Variants in ZNF562 observed in about 807,000 individuals in gnomAD.
ZNF562 encodes zinc finger protein 562.
A neutral mutation model predicts 17.5 loss-of-function variants in ZNF562; 13 were observed. The observed-to-expected ratio is 0.74, with a 90% CI of 0.48 to 1.18. The LOEUF is 1.18. ZNF562 is among the 50% of genes most tolerant of loss of function. The pLI, the probability that ZNF562 is intolerant of heterozygous loss-of-function variation, is 0.00. For missense variants in ZNF562, 481 were observed against 498.5 expected, an observed-to-expected ratio of 0.96 and a Z score of 0.33; for synonymous variants, 163 against 165.4, an observed-to-expected ratio of 0.99 and a Z score of 0.11.
Position 9,653,486 on chromosome 19 carries a change from C to CT in ZNF562, c.743dup (p.Gln249AlafsTer15). ...TTCCAGTATGAACTGCTACACACTG[C>CT]TTTAAGTGTGAGGAAGTTGTGATGG... is the stretch of plus-strand genomic sequence containing the variant. On this transcript the variant is annotated frameshift_variant, in exon 6 of 6. Transcript: ENST00000453372. LOFTEE classifies it low-confidence loss of function (END_TRUNC). 6.2e-7 allele frequency: 1 copy of CT among 1,614,156 alleles called. No individual in the cohort carries two copies. The highest frequency in any genetic ancestry group is 8.5e-7 in the Non-Finnish European group (1 of 1,180,020).
rs74178208 is a variant in ZNF562, at chr19:9,650,954, C to CAAAAAAAAAAAAAA, written c.*1981_*1994dup. On this transcript the variant is annotated 3_prime_UTR_variant, in exon 6 of 6. Coordinates refer to ENST00000453372, the MANE Select transcript of ZNF562 (RefSeq NM_001130031.2). Reference sequence around the variant, plus strand: ...GGGCAACAAGAGCAAAACTCCATCTCAAAAAAAAAAAAAAAAAAAAAAAAA... The same window carrying CAAAAAAAAAAAAAA: ...GGGCAACAAGAGCAAAACTCCATCTCAAAAAAAAAAAAAAAAAAAAAAAAAAAAAAAAAAAAAAA... The CAAAAAAAAAAAAAA allele has an allele frequency of 7.6e-4, 35 of 46,310 alleles. 2 individuals are homozygous for CAAAAAAAAAAAAAA. The highest frequency in any genetic ancestry group is 1.4e-3 in the African/African-American group (23 of 16,044). The allele number at this position is 46,310 out of a possible 1,614,324, so 2.9% of individuals were successfully genotyped here. A position where few individuals can be genotyped will look rare whatever the true frequency, so the allele number is the denominator to read the frequency against.
chr19:9,673,799 A>C (rs1212517051), intron 1 of ZNF562, among the ~76,000 whole-genome samples: 2 of 152,104 alleles, frequency 1.3e-5, no homozygotes, highest in Non-Finnish European at 2.9e-5. Flanking sequence ...TGAGGTCAGG[A>C]GTTCGAGACC....
rs974451861 is a variant in ZNF562, at chr19:9,649,674, A to G, written c.*3275T>C. The G allele has an allele frequency of 1.3e-5, 2 of 152,136 alleles. No individual in the cohort carries two copies. The highest frequency in any genetic ancestry group is 2.9e-5 in the Non-Finnish European group (2 of 68,032). The allele number at this position is 152,136 out of a possible 1,614,324, so 9.4% of individuals were successfully genotyped here. On this transcript the variant is annotated 3_prime_UTR_variant, in exon 6 of 6. Transcript: ENST00000453372. ...TAATAAATTTTAGTCAGACCAGTTG[A>G]TCTCAAAACCGTCTCCTGATAAGAT...
Position 9,648,052 on chromosome 19 carries a change from C to A in ZNF562, c.*4897G>T, listed in dbSNP as rs1311713954. The A allele has an allele frequency of 6.6e-6, 1 of 152,044 alleles. No individual in the cohort carries two copies. Among genetic ancestry groups the A allele is most frequent in the African/African-American group, 2.4e-5 (1 of 41,396 alleles). The allele number at this position is 152,044 out of a possible 1,614,324, so 9.4% of individuals were successfully genotyped here. ...GAGCCACTATTCCCAACCTAGATGA[C>A]TCTTATAGATTAAGAATTTAGAAAT... On this transcript the variant is annotated 3_prime_UTR_variant, in exon 6 of 6. Coordinates refer to ENST00000453372, the MANE Select transcript of ZNF562 (RefSeq NM_001130031.2).
intron 2 of ZNF562, among the ~76,000 whole-genome samples, chr19:9,660,294 TA>T (rs2144998275): frequency 6.6e-6 from 1 of 151,608 alleles, no homozygotes; most frequent in South Asian, 2.1e-4. Context: ...ATGAATAAAA[TA>T]AAAGAGCATT....
chr19:9,656,895 C>T (rs2043511196), intron 4 of ZNF562, among the ~76,000 whole-genome samples: 1 of 131,632 alleles, frequency 7.6e-6, no homozygotes, highest in East Asian at 2.0e-4. Context: ...TATATATTAG[C>T]CGGGCGCGTT....
At position 9,645,876 on chromosome 19, in the gene ZNF562, A is replaced by T. The variant is rs562570302; in HGVS notation, c.*7073T>A. 2 of 152,232 alleles carry T rather than the reference A, an allele frequency of 1.3e-5. No individual in the cohort carries two copies. The highest frequency in any genetic ancestry group is 2.9e-5 in the Non-Finnish European group (2 of 68,044). 9.4% of individuals were successfully genotyped at this position (152,232 alleles called of 1,614,324 possible). ...ATTTATGGTAACAACGAAAAGTAAC[A>T]TACAAATTTCAAACATCAAGAATAA... On this transcript the variant is annotated 3_prime_UTR_variant, in exon 6 of 6. Coordinates refer to ENST00000453372, the MANE Select transcript of ZNF562 (RefSeq NM_001130031.2).
chr19:9,656,365 T>C (rs566953035), intron 5 of ZNF562, among the ~76,000 whole-genome samples, 182 bp downstream of exon 5: 1 of 151,970 alleles, frequency 6.6e-6, no homozygotes, highest in African/African-American at 2.4e-5. Context: ...ATAAATTAGC[T>C]GGGCATGGTG....
At chr19:9,669,682 G>A (rs2044073843) in intron 1 of ZNF562, among the ~76,000 whole-genome samples, 1 of 148,544 alleles carries the variant, frequency 6.7e-6, no homozygotes, top group African/African-American at 2.5e-5. Context: ...AAACCTGTCT[G>A]AAACTGGCAA....
chr19:9,644,009 G>A lies in ZNF562; in HGVS notation c.*8940C>T, dbSNP rs1231172188. 2 of 151,832 alleles carry A rather than the reference G, an allele frequency of 1.3e-5. No individual in the cohort carries two copies. Among genetic ancestry groups the A allele is most frequent in the Non-Finnish European group, 2.9e-5 (2 of 67,994 alleles). 9.4% of individuals were successfully genotyped at this position (151,832 alleles called of 1,614,324 possible). ...TACAAGGTTTCACCGTTTTAGCCAG[G>A]ATCATCTCAATCTGACCTTGTGATC... On this transcript the variant is annotated 3_prime_UTR_variant, in exon 6 of 6. Transcript: ENST00000453372.
At chr19:9,670,376 A>G (rs2044145104) in intron 1 of ZNF562, among the ~76,000 whole-genome samples, 1 of 152,248 alleles carries the variant, frequency 6.6e-6, no homozygotes, top group East Asian at 1.9e-4. Context: ...ATATATATAC[A>G]TTCCCTTGTT....
In ZNF562 at chr19:9,651,931, G is replaced by T. The variant is rs371584461; in HGVS notation, c.*1018C>A. On this transcript the variant is annotated 3_prime_UTR_variant, in exon 6 of 6. Coordinates refer to ENST00000453372, the MANE Select transcript of ZNF562 (RefSeq NM_001130031.2). ...GGGTCTCCACGACCCAGCTGGTCTCGGCAAAAATGCAAAAGGAGACCTGAA... is the reference window on the plus strand; with the variant it reads ...GGGTCTCCACGACCCAGCTGGTCTCTGCAAAAATGCAAAAGGAGACCTGAA... The T allele has an allele frequency of 6.6e-6, 1 of 152,182 alleles. No homozygotes were observed. The highest frequency in any genetic ancestry group is 2.4e-5 in the African/African-American group (1 of 41,494). 9.4% of individuals were successfully genotyped at this position (152,182 alleles called of 1,614,324 possible).
chr19:9,659,855 GC>G (rs563222297), intron 2 of ZNF562, among the ~76,000 whole-genome samples: 254 of 137,860 alleles, frequency 1.8e-3, no homozygotes, highest in African/African-American at 6.3e-3. Flanking sequence ...ATTTTGGGAG[GC>G]CAAGGTGGGC....
rs58199071 is a variant in ZNF562, at chr19:9,655,717, CTTTTTTTTTTTTTTTTTTTTTTTT to C, written c.348+806_348+829del. ...TTACAGGATTCACTTTCTTTTCTTT[CTTTTTTTTTTTTTTTTTTTTTTTT>C]TTTTTTTTTTTAGATGGAGTCTCAC... On this transcript the variant is annotated intron_variant, in intron 5 of 5. Transcript: ENST00000453372. Among the ~76,000 whole-genome samples, 134 of 48,712 alleles carry C rather than the reference CTTTTTTTTTTTTTTTTTTTTTTTT, an allele frequency of 2.8e-3. 1 individual carries two copies. The highest frequency in any genetic ancestry group is 0.01 in the African/African-American group (128 of 12,330). The allele number at this position is 48,712 out of a possible 152,430, so 32.0% of individuals were successfully genotyped here.
intron 3 of ZNF562, 39 bp from the exon 4 acceptor site, chr19:9,658,174 A>G (rs1168148471): frequency 6.3e-7 from 1 of 1,593,058 alleles, no homozygotes; most frequent in East Asian, 2.3e-5. Context: ...GCCAATGAAC[A>G]CTTCCACCAA....
rs61743320 is a variant in ZNF562 at position 9,653,652 on chromosome 19, A to G, written c.578T>C (p.Val193Ala). ...TCTTCCATTGAGAATTTCAAGATGC[A>G]CAGCAAGGCCTGGAGTTAAGGTGAA... Reference protein sequence around the residue: ...KVFTLTPGLAVHLEILNGRQP... With the variant: ...KVFTLTPGLAAHLEILNGRQP... Residue 193 changes from valine to alanine, a missense_variant, in exon 6 of 6, where the codon GTG becomes GCG. Val to Ala is a moderately conservative substitution (Grantham distance 64, BLOSUM62 0). Transcript: ENST00000453372. The G allele has an allele frequency of 3.1e-6, 5 of 1,614,042 alleles. No homozygotes were observed. Among genetic ancestry groups the G allele is most frequent in the Non-Finnish European group, 3.4e-6 (4 of 1,179,902 alleles).
intron 4 of ZNF562, 110 bp downstream of exon 4, chr19:9,657,899 C>A: frequency 1.5e-6 from 2 of 1,374,492 alleles, no homozygotes; most frequent in South Asian, 1.7e-5. Flanking sequence ...CAATGTTGCC[C>A]ATGCTAGTAT....
chr19:9,651,842 C>G lies in ZNF562; in HGVS notation c.*1107G>C, dbSNP rs1422001124. On this transcript the variant is annotated 3_prime_UTR_variant, in exon 6 of 6. Coordinates refer to ENST00000453372, the MANE Select transcript of ZNF562 (RefSeq NM_001130031.2). ...AGCTCAGCTCTGAAGGCTGTGAGCC[C>G]CGATTCCCACTCTGCACTATATTTC... 6.6e-6 allele frequency: 1 copy of G among 152,174 alleles called. No individual in the cohort carries two copies. Among genetic ancestry groups the G allele is most frequent in the Non-Finnish European group, 1.5e-5 (1 of 68,056 alleles). 9.4% of individuals were successfully genotyped at this position (152,174 alleles called of 1,614,324 possible).
chr19:9,671,271 C>T (rs950762271), intron 1 of ZNF562, among the ~76,000 whole-genome samples: 2 of 152,062 alleles, frequency 1.3e-5, no homozygotes, highest in African/African-American at 4.8e-5. Flanking sequence ...AAAAATTTTT[C>T]TGGATTGTAA....
Sources: gnomAD v4.1 joint callset for allele counts (sites outside exome capture counted in the v4.1 genomes callset) on GRCh38, gnomAD v4.1.1 for gene constraint, MANE v1.5 for transcripts, NCBI Gene and HGNC (gene_info 2026-07-23, HGNC 2026-07-21) for gene names.